TRABD2B: variants seen among roughly 807,000 people sequenced by gnomAD.
TRABD2B encodes metalloprotease TIKI2.
In TRABD2B, 14 loss-of-function variants were observed where a neutral mutation model predicts 40.1. That is an observed-to-expected ratio of 0.35 (90% CI 0.23 to 0.55). The LOEUF (loss-of-function observed/expected upper bound fraction) is 0.55, where lower values mean the gene tolerates loss of function less well. Ranked by LOEUF, TRABD2B falls within the 20% of genes least tolerant of loss-of-function variation. The pLI is 0.90. For missense variants in TRABD2B, 541 were observed against 648.6 expected, an observed-to-expected ratio of 0.83 and a Z score of 1.80; for synonymous variants, 263 against 277.0, an observed-to-expected ratio of 0.95 and a Z score of 0.50.
intron 2 of TRABD2B, among the ~76,000 whole-genome samples, chr1:47,947,346 G>A (rs1645273574): frequency 6.6e-6 from 1 of 152,106 alleles, no homozygotes; most frequent in Non-Finnish European, 1.5e-5. Context: ...GATTCAGAAA[G>A]GCCAAGGACC....
Position 47,765,731 on chromosome 1 carries a change from C to CA in TRABD2B, c.*170dup. 1.6e-6 allele frequency: 1 copy of CA among 630,608 alleles called. No homozygotes were observed. The highest frequency in any genetic ancestry group is 1.8e-5 in the South Asian group (1 of 54,990). 39.1% of individuals were successfully genotyped at this position (630,608 alleles called of 1,614,324 possible). A position where few individuals can be genotyped will look rare whatever the true frequency, so the allele number is the denominator to read the frequency against. ...ACTATGGGAAATTAAGATCCTTCTA[C>CA]AAAAAAGAAGATGTAACTTGGGTAC... is the stretch of plus-strand genomic sequence containing the variant. On this transcript the variant is annotated 3_prime_UTR_variant, in exon 7 of 7. Coordinates refer to ENST00000606738, the MANE Select transcript of TRABD2B (RefSeq NM_001194986.2).
At chr1:47,785,873 C>A (rs1267419000) in intron 4 of TRABD2B, among the ~76,000 whole-genome samples, 1 of 152,238 alleles carries the variant, frequency 6.6e-6, no homozygotes, top group Non-Finnish European at 1.5e-5. Flanking sequence ...CCCCACGCCT[C>A]CTGAGCCTCA....
chr1:47,867,153 T>C (rs1644070559), intron 2 of TRABD2B, among the ~76,000 whole-genome samples: 1 of 152,238 alleles, frequency 6.6e-6, no homozygotes. Flanking sequence ...CACATCTGCT[T>C]ACACATGAGA....
intron 2 of TRABD2B, among the ~76,000 whole-genome samples, chr1:47,922,238 T>C (rs746154515): frequency 4.6e-5 from 7 of 152,278 alleles, no homozygotes; most frequent in Admixed American, 6.5e-5. Flanking sequence ...CCTACTGCCA[T>C]GGAGAGTGGT....
chr1:47,904,828 T>C (rs1644654096), intron 2 of TRABD2B, among the ~76,000 whole-genome samples: 1 of 152,250 alleles, frequency 6.6e-6, no homozygotes, highest in Non-Finnish European at 1.5e-5. Flanking sequence ...ATATATTACA[T>C]TCTCACTCTG....
At position 47,996,718 on chromosome 1, in the gene TRABD2B, CG is replaced by C. The variant is rs1298247144; in HGVS notation, c.71del (p.Pro24ArgfsTer15). On this transcript the variant is annotated frameshift_variant, in exon 1 of 7. Transcript: ENST00000606738. LOFTEE classifies it high-confidence loss of function. The surrounding 1 kb of genome is among the most constrained non-coding windows in gnomAD (Gnocchi z 4.6). Reference protein sequence around the residue: ...LATARARPQPPDGGQCRPPGS... With the variant: ...LATARARPQPXDGGQCRPPGS... ...CGGGCGGCCGGCACTGTCCTCCGTCCGGGGGCTGCGGGCGGGCGCGAGCGGT... is the reference window on the plus strand; with the variant it reads ...CGGGCGGCCGGCACTGTCCTCCGTCCGGGGCTGCGGGCGGGCGCGAGCGGT... 2.4e-6 allele frequency: 3 copies of C among 1,228,266 alleles called. No homozygotes were observed. The highest frequency in any genetic ancestry group is 2.0e-6 in the Non-Finnish European group (2 of 984,822). The allele number at this position is 1,228,266 out of a possible 1,614,324, so 76.1% of individuals were successfully genotyped here. A position where few individuals can be genotyped will look rare whatever the true frequency, so the allele number is the denominator to read the frequency against.
chr1:47,879,522 T>A (rs2124619181), intron 2 of TRABD2B, among the ~76,000 whole-genome samples: 1 of 152,316 alleles, frequency 6.6e-6, no homozygotes, highest in South Asian at 2.1e-4. Flanking sequence ...GCAAGTACAC[T>A]CTATAATGTT....
intron 2 of TRABD2B, among the ~76,000 whole-genome samples, chr1:47,861,417 G>C (rs1643968997): frequency 1.3e-5 from 2 of 151,980 alleles, no homozygotes; most frequent in South Asian, 4.2e-4. Flanking sequence ...AATAATGAGA[G>C]GACAGAGATA....
intron 2 of TRABD2B, among the ~76,000 whole-genome samples, chr1:47,891,017 A>T (rs1310937299): frequency 1.5e-5 from 2 of 133,298 alleles, no homozygotes; most frequent in African/African-American, 5.1e-5. Flanking sequence ...TTACCCAAGG[A>T]GAGACATAGG....
intron 2 of TRABD2B, among the ~76,000 whole-genome samples, chr1:47,842,601 T>C (rs920482645): frequency 2.6e-5 from 4 of 152,196 alleles, no homozygotes; most frequent in Non-Finnish European, 5.9e-5. Context: ...CAGCCAGGAC[T>C]AGATTCAGTC....
chr1:47,853,976 A>G (rs533050925), intron 2 of TRABD2B, among the ~76,000 whole-genome samples: 1 of 152,338 alleles, frequency 6.6e-6, no homozygotes, highest in East Asian at 1.9e-4. Context: ...GATGGCTTAC[A>G]GAGAGACTAT....
chr1:47,996,143 G>A lies in TRABD2B; in HGVS notation c.102+545C>T, dbSNP rs1646087747. On this transcript the variant is annotated intron_variant, in intron 1 of 6. Coordinates refer to ENST00000606738, the MANE Select transcript of TRABD2B (RefSeq NM_001194986.2). The surrounding 1 kb of genome is among the most constrained non-coding windows in gnomAD (Gnocchi z 4.6). ...CTTTTCACGAAATATGGACGCTTGGGAGAGTAGGTGGTGGGAGCCTGGGCC... is the reference window on the plus strand; with the variant it reads ...CTTTTCACGAAATATGGACGCTTGGAAGAGTAGGTGGTGGGAGCCTGGGCC... Among the ~76,000 whole-genome samples the A allele has an allele frequency of 6.6e-6, 1 of 152,220 alleles. No individual in the cohort carries two copies. Among genetic ancestry groups the A allele is most frequent in the South Asian group, 2.1e-4 (1 of 4,810 alleles).
chr1:47,988,868 C>T (rs1446250327), intron 2 of TRABD2B, among the ~76,000 whole-genome samples: 1 of 152,218 alleles, frequency 6.6e-6, no homozygotes, highest in Non-Finnish European at 1.5e-5. Context: ...AGGATTAGAA[C>T]CTGCTTTGAA....
At chr1:47,780,329 C>T (rs1349026937) in intron 4 of TRABD2B, among the ~76,000 whole-genome samples, 1 of 152,210 alleles carries the variant, frequency 6.6e-6, no homozygotes, top group African/African-American at 2.4e-5. Context: ...TTCTGGCTCT[C>T]AGAGCCTATG....
intron 2 of TRABD2B, among the ~76,000 whole-genome samples, chr1:47,803,366 C>T (rs753055851): frequency 2.6e-5 from 4 of 152,220 alleles, no homozygotes; most frequent in Non-Finnish European, 4.4e-5. Context: ...AAAGTAGTTA[C>T]GTGCTGCTGA....
rs147052643 is a variant in TRABD2B at position 47,857,682 on chromosome 1, G to C, written c.667-56063C>G. ...GGCTGGGCACAGAGAAGGCCTCCAA[G>C]AATAATGAAAGAGTGAGGGAGTGAA... On this transcript the variant is annotated intron_variant, in intron 2 of 6. Transcript: ENST00000606738. Among the ~76,000 whole-genome samples, 77 of 152,074 alleles carry C rather than the reference G, an allele frequency of 5.1e-4. No individual in the cohort carries two copies. In the East Asian group the frequency reaches 0.014, roughly 28 times the overall value.
chr1:47,918,277 A>G (rs1644855769), intron 2 of TRABD2B, among the ~76,000 whole-genome samples: 1 of 152,246 alleles, frequency 6.6e-6, no homozygotes. Flanking sequence ...GCAGTCCTGC[A>G]CATGGCAACT....
chr1:47,828,752 T>C (rs932648013), intron 2 of TRABD2B, among the ~76,000 whole-genome samples: 1 of 152,088 alleles, frequency 6.6e-6, no homozygotes, highest in Non-Finnish European at 1.5e-5. Flanking sequence ...CAACATTGGG[T>C]GAGCCTCAAC....
intron 2 of TRABD2B, among the ~76,000 whole-genome samples, chr1:47,955,647 C>A (rs1235379461): frequency 6.6e-6 from 1 of 152,184 alleles, no homozygotes; most frequent in Admixed American, 6.5e-5. Context: ...TGGAATTTCT[C>A]AGCTCTGGTC....
Sources: gnomAD v4.1 joint callset for allele counts (sites outside exome capture counted in the v4.1 genomes callset) on GRCh38, gnomAD v4.1.1 for gene constraint, Gnocchi (gnomAD v3.1) non-coding constraint, MANE v1.5 for transcripts, NCBI Gene and HGNC (gene_info 2026-07-23, HGNC 2026-07-21) for gene names.